The following CDK12 variants were observed in gnomAD, a reference collection of about 807,000 sequenced individuals.
CDK12 encodes the protein cyclin-dependent kinase 12.
CDK12 carries 17 observed loss-of-function variants against 133.8 expected under a neutral mutation model. The ratio of observed to expected loss-of-function variants is 0.13; its 90% CI spans 0.09 to 0.19. The LOEUF (loss-of-function observed/expected upper bound fraction) is 0.19, where lower values mean the gene tolerates loss of function less well. CDK12 is among the 10% of genes least tolerant of loss of function. The pLI is 1.00. For synonymous variants in CDK12, 694 were observed against 683.6 expected (o/e 1.02, Z -0.24); for missense variants, 1,508 against 1,818.7 (o/e 0.83, Z 3.11).
chr17:39,550,821 G>A (rs966695150), intron 1 of CDK12: 8 of 152,088 alleles, frequency 5.3e-5, no homozygotes, highest in African/African-American at 1.9e-4. Flanking sequence ...TTGAGGCCAG[G>A]AGTTCGAGAC....
At chr17:39,567,023 TA>T (rs1037576964), downstream of CDK12, 1 of 152,248 alleles carries the variant, frequency 6.6e-6, no homozygotes, top group Non-Finnish European at 1.5e-5. Context: ...TCCAGAAATC[TA>T]AGGTCCCTGG....
upstream of CDK12, among the ~76,000 whole-genome samples, chr17:39,543,180 T>C (rs2055511905): frequency 6.6e-6 from 1 of 152,154 alleles, no homozygotes; most frequent in Non-Finnish European, 1.5e-5. Flanking sequence ...TACAGGAAAA[T>C]GGTAAGGGGA....
At chr17:39,477,892 G>C (rs1422013206) in intron 2 of CDK12, among the ~76,000 whole-genome samples, 5 of 151,726 alleles carry the variant, frequency 3.3e-5, no homozygotes, top group South Asian at 4.2e-4. Context: ...ATTTTTAGTA[G>C]AGACGGGGTT....
chr17:39,490,744 G>T lies in CDK12; in HGVS notation c.2108+11G>T. 1 of 1,581,888 alleles carries T rather than the reference G, an allele frequency of 6.3e-7. No homozygotes were observed. Among genetic ancestry groups the T allele is most frequent in the Non-Finnish European group, 8.6e-7 (1 of 1,160,310 alleles). ...TAAAAAGAGACCAAAGTGAGTTTTTGGAGGAATCTGTCTTTCATGATAGTT... is the reference window on the plus strand; with the variant it reads ...TAAAAAGAGACCAAAGTGAGTTTTTTGAGGAATCTGTCTTTCATGATAGTT... On this transcript the variant is annotated intron_variant, in intron 3 of 13. Transcript: ENST00000447079.
intron 2 of CDK12, among the ~76,000 whole-genome samples, chr17:39,480,195 A>T (rs763857148): frequency 6.7e-4 from 101 of 151,692 alleles, no homozygotes; most frequent in Non-Finnish European, 1.2e-3. Flanking sequence ...AAGTGCTGGG[A>T]TATAGGCGCG....
At chr17:39,513,773 G>A (rs192440019) in intron 8 of CDK12, among the ~76,000 whole-genome samples, 8 of 152,310 alleles carry the variant, frequency 5.3e-5, no homozygotes, top group Admixed American at 2.6e-4. Context: ...TTAAGATTTT[G>A]TTTGAGTTTT....
chr17:39,509,370 A>G (rs1175010944), intron 6 of CDK12, among the ~76,000 whole-genome samples: 1 of 152,194 alleles, frequency 6.6e-6, no homozygotes, highest in East Asian at 1.9e-4. Flanking sequence ...AGCACGTTCT[A>G]GGTACTGTTG....
At chr17:39,492,700 C>T (rs766942353) in intron 3 of CDK12, 51 bp from the exon 4 acceptor site, 46 of 1,506,162 alleles carry the variant, frequency 3.1e-5, no homozygotes, top group Admixed American at 6.0e-5. Context: ...TGAGCCACCG[C>T]GCCCGGCCTT....
chr17:39,554,971 T>C (rs1007412049), intron 2 of CDK12, among the ~76,000 whole-genome samples: 1 of 150,140 alleles, frequency 6.7e-6, no homozygotes, highest in African/African-American at 2.5e-5. Flanking sequence ...AACATCTGGC[T>C]GGGCACAGTG....
intron 2 of CDK12, among the ~76,000 whole-genome samples, chr17:39,487,607 A>ATTTTTT (rs887590343): frequency 2.1e-5 from 2 of 96,364 alleles, no homozygotes; most frequent in Non-Finnish European, 4.1e-5. Flanking sequence ...GCATGACACA[A>ATTTTTT]TTTTTTTTTT....
At chr17:39,469,269 T>G (rs1204756503) in intron 1 of CDK12, among the ~76,000 whole-genome samples, 1 of 152,210 alleles carries the variant, frequency 6.6e-6, no homozygotes, top group Admixed American at 6.5e-5. Flanking sequence ...AAGCCTTTCT[T>G]AAGAAGACAA....
chr17:39,471,944 C>G (rs1038382790), intron 2 of CDK12, among the ~76,000 whole-genome samples, 181 bp downstream of exon 2: 11 of 152,012 alleles, frequency 7.2e-5, no homozygotes, highest in Non-Finnish European at 1.3e-4. Context: ...AATTTGAGGC[C>G]TGGTTAACCC....
chr17:39,530,754 T>C lies in CDK12; in HGVS notation c.3911T>C (p.Leu1304Pro). 2 of 1,613,718 alleles carry C rather than the reference T, an allele frequency of 1.2e-6. No individual in the cohort carries two copies. Among genetic ancestry groups the C allele is most frequent in the African/African-American group, 1.3e-5 (1 of 74,910 alleles). ...GCCGTGACAGCCGCCTTGCTGCAAC[T>C]TTTATCCCAGCCTGAAGCAGAGCCT... ...NPAVTAALLQ[L>P]LSQPEAEPPG... is the part of the protein sequence containing the mutation. The change falls in exon 14 of 14, where the codon CTT becomes CCT. Residue 1304 changes from leucine to proline, a missense_variant. Leu to Pro is a moderately conservative substitution (Grantham distance 98). Coordinates refer to ENST00000447079, the MANE Select transcript of CDK12 (RefSeq NM_016507.4).
At chr17:39,490,769 T>C in intron 3 of CDK12, 36 bp downstream of exon 3, 1 of 1,494,176 alleles carries the variant, frequency 6.7e-7, no homozygotes, top group Non-Finnish European at 9.2e-7. Context: ...TCATGATAGT[T>C]TTCTCCCTTC....
At chr17:39,496,669 C>T (rs1275241027) in intron 5 of CDK12, among the ~76,000 whole-genome samples, 1 of 152,000 alleles carries the variant, frequency 6.6e-6, no homozygotes, top group African/African-American at 2.4e-5. Context: ...CCATTGCACT[C>T]CAGCCTGGGT....
chr17:39,567,491 A>G (rs147387924), downstream of CDK12: 15 of 152,332 alleles, frequency 9.8e-5, no homozygotes, highest in African/African-American at 3.6e-4. Context: ...GCCCAGAAAC[A>G]ATGCCTAGCA....
intron 9 of CDK12, among the ~76,000 whole-genome samples, chr17:39,516,955 G>C (rs572501029): frequency 2.7e-4 from 41 of 152,188 alleles, no homozygotes; most frequent in African/African-American, 9.9e-4. Flanking sequence ...GAGCCACCGT[G>C]CCCGGCCAAT....
chr17:39,472,488 A>T (rs997704647), intron 2 of CDK12, among the ~76,000 whole-genome samples: 1 of 151,686 alleles, frequency 6.6e-6, no homozygotes, highest in African/African-American at 2.4e-5. Flanking sequence ...AGGCTGGCCA[A>T]CATGGTGAAC....
At position 39,533,979 on chromosome 17, in the gene CDK12, A is replaced by G. The variant is rs2055013073; in HGVS notation, c.*2663A>G. 8.6e-6 allele frequency: 2 copies of G among 232,208 alleles called. No individual in the cohort carries two copies. The highest frequency in any genetic ancestry group is 8.5e-6 in the Non-Finnish European group (1 of 117,450). 14.4% of individuals were successfully genotyped at this position (232,208 alleles called of 1,614,324 possible). The stretch of plus-strand genomic sequence containing the variant: ...CAAAAGTGGTTTTCGTTTTGTTTTA[A>G]TTATTGTACAATGAGAGATATTGTC... On this transcript the variant is annotated 3_prime_UTR_variant, in exon 14 of 14. Coordinates refer to ENST00000447079, the MANE Select transcript of CDK12 (RefSeq NM_016507.4).
Sources: allele counts gnomAD v4.1 joint callset (sites outside exome capture counted in the v4.1 genomes callset), GRCh38; gene constraint gnomAD v4.1.1; transcripts MANE v1.5; gene names NCBI Gene and HGNC (gene_info 2026-07-23, HGNC 2026-07-21).